Variants in IGFL4 observed in about 807,000 individuals in gnomAD.
IGFL4 encodes the protein IGF like family member 4.
In IGFL4, 12 loss-of-function variants were observed where a neutral mutation model predicts 15.4. The observed-to-expected ratio is 0.78, with a 90% CI of 0.50 to 1.26. The LOEUF is 1.26. IGFL4 is among the 50% of genes most tolerant of loss of function. IGFL4 has a pLI of 0.00. For synonymous variants in IGFL4, 54 were observed against 55.9 expected (o/e 0.97, Z 0.16); for missense variants, 126 against 147.8 (o/e 0.85, Z 0.76).
chr19:46,050,073 C>T (rs1374787717), intron 2 of IGFL4, among the ~76,000 whole-genome samples: 1 of 152,170 alleles, frequency 6.6e-6, no homozygotes, highest in East Asian at 1.9e-4. Flanking sequence ...ATAACAATCA[C>T]TGCAGTTCAG....
intron 2 of IGFL4, among the ~76,000 whole-genome samples, chr19:46,052,445 A>G (rs1309161992): frequency 6.6e-5 from 10 of 152,168 alleles, no homozygotes; most frequent in Admixed American, 1.3e-4. Flanking sequence ...GACCTGAATG[A>G]TAATTGTGAC....
At chr19:46,041,524 A>G (rs1458563678), upstream of IGFL4, among the ~76,000 whole-genome samples, 2 of 152,172 alleles carry the variant, frequency 1.3e-5, no homozygotes, top group African/African-American at 4.8e-5. Context: ...GCCAGGGAGA[A>G]CAACAACAAC....
chr19:46,049,706 A>G (rs570059540), intron 2 of IGFL4, among the ~76,000 whole-genome samples: 1 of 152,236 alleles, frequency 6.6e-6, no homozygotes, highest in East Asian at 1.9e-4. Context: ...AAGACAAAGG[A>G]CACAGTCTCT....
chr19:46,069,486 A>G (rs1969525734), intron 1 of IGFL4, among the ~76,000 whole-genome samples: 1 of 152,206 alleles, frequency 6.6e-6, no homozygotes. Context: ...TTTAAGATGT[A>G]GTGTTTGTAT....
intron 1 of IGFL4, among the ~76,000 whole-genome samples, chr19:46,070,306 C>A (rs12462084): frequency 0.039 from 5,972 of 152,178 alleles, 166 homozygotes; most frequent in South Asian, 0.099. Flanking sequence ...CAACAGACTT[C>A]GGGCTGGAAC....
At chr19:46,053,490 A>G (rs1381516395) in intron 2 of IGFL4, among the ~76,000 whole-genome samples, 1 of 152,182 alleles carries the variant, frequency 6.6e-6, no homozygotes, top group Non-Finnish European at 1.5e-5. Flanking sequence ...TGCTGGGATT[A>G]TATACCATAT....
upstream of IGFL4, among the ~76,000 whole-genome samples, chr19:46,044,688 G>A (rs1156570314): frequency 6.6e-6 from 1 of 152,142 alleles, no homozygotes; most frequent in Non-Finnish European, 1.5e-5. Flanking sequence ...CATTCCTCCT[G>A]ACTGGGTGAG....
intron 2 of IGFL4, among the ~76,000 whole-genome samples, chr19:46,046,575 A>G (rs1487348786): frequency 6.6e-6 from 1 of 152,240 alleles, no homozygotes; most frequent in East Asian, 1.9e-4. Context: ...TTTATCAAGG[A>G]AATGGAAAAC....
rs962135202 is a variant in IGFL4 at position 46,039,671 on chromosome 19, A to C, written c.*221T>G. On this transcript the variant is annotated 3_prime_UTR_variant, in exon 4 of 4. Coordinates refer to ENST00000377697, the MANE Select transcript of IGFL4 (RefSeq NM_001002923.3). ...GTGAAGCAATTGTGAATGGGAGTTC[A>C]CTCATGATTTGGCTCTCTGTTTGTC... 4.6e-6 allele frequency: 2 copies of C among 436,484 alleles called. No homozygotes were observed. Among genetic ancestry groups the C allele is most frequent in the African/African-American group, 4.1e-5 (2 of 48,902 alleles). The allele number at this position is 436,484 out of a possible 1,614,324, so 27.0% of individuals were successfully genotyped here.
chr19:46,042,095 A>G (rs995690927), upstream of IGFL4, among the ~76,000 whole-genome samples: 2 of 24,802 alleles, frequency 8.1e-5, no homozygotes, highest in Admixed American at 5.3e-4. Context: ...CAGCCTCCCA[A>G]AGTGCATTGA....
intron 2 of IGFL4, among the ~76,000 whole-genome samples, chr19:46,047,550 G>C (rs1040168745): frequency 6.6e-6 from 1 of 151,778 alleles, no homozygotes; most frequent in Non-Finnish European, 1.5e-5. Context: ...AGAAAAGAGA[G>C]AATAATCAAA....
upstream of IGFL4, among the ~76,000 whole-genome samples, chr19:46,043,634 C>A (rs191553885): frequency 9.7e-4 from 148 of 152,024 alleles, no homozygotes; most frequent in African/African-American, 3.5e-3. Context: ...AGAAATAAAC[C>A]CAAACAAACA....
chr19:46,044,147 G>C (rs1969274882), upstream of IGFL4, among the ~76,000 whole-genome samples: 1 of 152,128 alleles, frequency 6.6e-6, no homozygotes, highest in Non-Finnish European at 1.5e-5. Flanking sequence ...CCCTGCCTGG[G>C]AAACCATGCT....
At position 46,040,085 on chromosome 19, in the gene IGFL4, G is replaced by T; in HGVS notation, c.330+72C>A. 6.3e-7 allele frequency: 1 copy of T among 1,579,630 alleles called. No homozygotes were observed. Among genetic ancestry groups the T allele is most frequent in the Non-Finnish European group, 8.7e-7 (1 of 1,151,210 alleles). Reference sequence around the variant, plus strand: ...AACCCAGCAGAGACTGCACATCTGGGTGGGACATGGACAACCAAGCTCCAT... The same window carrying T: ...AACCCAGCAGAGACTGCACATCTGGTTGGGACATGGACAACCAAGCTCCAT... On this transcript the variant is annotated intron_variant, in intron 3 of 3. Transcript: ENST00000377697. This position sits in a 1 kb window ranked among gnomAD's most constrained non-coding sequence, Gnocchi z 4.1.
chr19:46,072,673 C>T (rs914072533), intron 1 of IGFL4, among the ~76,000 whole-genome samples: 2 of 152,182 alleles, frequency 1.3e-5, no homozygotes, highest in Non-Finnish European at 2.9e-5. Flanking sequence ...GGCCAGAGCC[C>T]TTATGATGTG....
rs1472680083 is a variant in IGFL4 at position 46,039,645 on chromosome 19, T to G, written c.*247A>C. On this transcript the variant is annotated 3_prime_UTR_variant, in exon 4 of 4. Transcript: ENST00000377697. ...TTGGATTCCTAGGTATTTTATTCTCTGTGAAGCAATTGTGAATGGGAGTTC... is the reference window on the plus strand; with the variant it reads ...TTGGATTCCTAGGTATTTTATTCTCGGTGAAGCAATTGTGAATGGGAGTTC... 1.3e-5 allele frequency: 5 copies of G among 387,248 alleles called. No individual in the cohort carries two copies. The highest frequency in any genetic ancestry group is 1.5e-5 in the Non-Finnish European group (3 of 203,052). 24.0% of individuals were successfully genotyped at this position (387,248 alleles called of 1,614,324 possible). A position where few individuals can be genotyped will look rare whatever the true frequency, so the allele number is the denominator to read the frequency against.
chr19:46,043,322 C>T (rs1440812751), upstream of IGFL4, among the ~76,000 whole-genome samples: 1 of 152,144 alleles, frequency 6.6e-6, no homozygotes, highest in Non-Finnish European at 1.5e-5. Flanking sequence ...AGTGGTATAT[C>T]ATGTCATAGT....
chr19:46,074,674 T>G (rs552239366), intron 1 of IGFL4, among the ~76,000 whole-genome samples: 9 of 152,304 alleles, frequency 5.9e-5, no homozygotes, highest in Admixed American at 3.3e-4. Context: ...CACATTTTTC[T>G]GTCTGCTTTC....
chr19:46,052,859 T>C (rs1969358229), intron 2 of IGFL4, among the ~76,000 whole-genome samples: 1 of 145,026 alleles, frequency 6.9e-6, no homozygotes, highest in Non-Finnish European at 1.5e-5. Flanking sequence ...TATTTATATG[T>C]TATCTCGTTT....
Sources: allele counts gnomAD v4.1 joint callset (sites outside exome capture counted in the v4.1 genomes callset), GRCh38; gene constraint gnomAD v4.1.1; non-coding constraint Gnocchi (gnomAD v3.1); transcripts MANE v1.5; gene names NCBI Gene and HGNC (gene_info 2026-07-23, HGNC 2026-07-21).